The following CDK11B variants were observed in gnomAD, a reference collection of about 807,000 sequenced individuals.
CDK11B encodes cyclin-dependent kinase 11B.
CDK11B carries 37 observed loss-of-function variants against 84.0 expected under a neutral mutation model. The observed-to-expected ratio is 0.44, with a 90% CI of 0.34 to 0.58. The LOEUF (loss-of-function observed/expected upper bound fraction) is 0.58, where lower values mean the gene tolerates loss of function less well. Among genes scored for constraint, CDK11B ranks in the 20% least tolerant of loss-of-function variants. CDK11B has a pLI of 0.02. For synonymous variants in CDK11B, 269 were observed against 309.8 expected (o/e 0.87, Z 1.38); for missense variants, 427 against 834.0 (o/e 0.51, Z 6.01).
intron 5 of CDK11B, 56 bp downstream of exon 5, chr1:1,649,443 T>A: frequency 1.6e-6 from 2 of 1,283,672 alleles, no homozygotes; most frequent in South Asian, 2.4e-5. Flanking sequence ...ATTTCTAGGA[T>A]GGGACACACT....
chr1:1,649,315 A>C (rs2100905868), intron 5 of CDK11B, among the ~76,000 whole-genome samples, 184 bp downstream of exon 5: 1 of 151,794 alleles, frequency 6.6e-6, no homozygotes, highest in African/African-American at 2.4e-5. Flanking sequence ...GTCAGCCAGG[A>C]TGGTCTCCAT....
At chr1:1,652,863 C>T (rs1352136974) in intron 3 of CDK11B, among the ~76,000 whole-genome samples, 2 of 151,844 alleles carry the variant, frequency 1.3e-5, no homozygotes, top group African/African-American at 4.8e-5. Context: ...GTAGCTGGGA[C>T]TACAGGCGCC....
intron 3 of CDK11B, among the ~76,000 whole-genome samples, 193 bp from the exon 4 acceptor site, chr1:1,652,759 C>A (rs1453261032): frequency 6.6e-6 from 1 of 152,108 alleles, no homozygotes; most frequent in African/African-American, 2.4e-5. Flanking sequence ...TTTAGACAGT[C>A]TCGCTCTGTT....
intron 4 of CDK11B, among the ~76,000 whole-genome samples, chr1:1,650,527 G>T (rs1362911606): frequency 2.0e-4 from 30 of 150,902 alleles, no homozygotes; most frequent in African/African-American, 6.8e-4. Context: ...CACCACGCCC[G>T]GCTAATTTTT....
At chr1:1,650,271 A>AG (rs1641795019) in intron 4 of CDK11B, among the ~76,000 whole-genome samples, 1 of 149,290 alleles carries the variant, frequency 6.7e-6, no homozygotes, top group Non-Finnish European at 1.5e-5. Context: ...TCCGTCCCAA[A>AG]AAAAAAAAAA....
intron 5 of CDK11B, chr1:1,645,739 A>G (rs373668676): frequency 9.0e-6 from 3 of 332,456 alleles, no homozygotes; most frequent in Admixed American, 9.2e-5. Flanking sequence ...TGTTTGCTTC[A>G]TGGATTTTGG....
intron 13 of CDK11B, 63 bp from the exon 14 acceptor site, chr1:1,637,576 G>T (rs1639566125): frequency 1.2e-6 from 2 of 1,607,644 alleles, no homozygotes; most frequent in Non-Finnish European, 1.7e-6. Context: ...CTGCACCCGG[G>T]TGCAGCTGCT....
intron 4 of CDK11B, among the ~76,000 whole-genome samples, chr1:1,652,168 T>C (rs1490958043): frequency 2.6e-5 from 4 of 152,036 alleles, no homozygotes; most frequent in Admixed American, 6.6e-5. Flanking sequence ...CGCTTTCAGC[T>C]AGAGTTTGCT....
chr1:1,653,319 A>G (rs12738319), intron 3 of CDK11B, among the ~76,000 whole-genome samples: 104,412 of 151,686 alleles, frequency 0.69, 36,579 homozygotes, highest in Non-Finnish European at 0.77. Flanking sequence ...CACCGCACCC[A>G]GCTTTATTTT....
intron 4 of CDK11B, among the ~76,000 whole-genome samples, chr1:1,650,223 T>C (rs1357122396): frequency 7.7e-6 from 1 of 129,724 alleles, no homozygotes; most frequent in Non-Finnish European, 1.6e-5. Flanking sequence ...TGAGCTGAGA[T>C]TGCGCCACTG....
rs1023711905 is a variant in CDK11B, at chr1:1,641,190, C to T, written c.1010-77G>A. On this transcript the variant is annotated intron_variant, in intron 9 of 19. Transcript: ENST00000341832. ...CACAGGCAGGATGCGGGCTCCGCTT[C>T]AGCTAAGCAACAAGTGTTCCCAAGA... 7.6e-4 allele frequency: 1,173 copies of T among 1,552,960 alleles called. 7 individuals are homozygous for T. Among genetic ancestry groups the T allele is most frequent in the Non-Finnish European group, 9.4e-4 (1,079 of 1,142,764 alleles).
chr1:1,650,873 G>C, intron 4 of CDK11B, among the ~76,000 whole-genome samples: 2 of 151,830 alleles, frequency 1.3e-5, no homozygotes, highest in East Asian at 1.9e-4. Context: ...TATGAAGAAA[G>C]AAGAAAAAAG....
intron 5 of CDK11B, chr1:1,646,449 C>A (rs1283009065): frequency 5.8e-6 from 3 of 519,872 alleles, no homozygotes; most frequent in Non-Finnish European, 1.2e-5. Context: ...ACTGTTGTAA[C>A]ACAGCTTTAT....
chr1:1,646,756 T>G (rs1641187250), intron 5 of CDK11B: 1 of 519,924 alleles, frequency 1.9e-6, no homozygotes, highest in African/African-American at 1.9e-5. Flanking sequence ...GTTCGTTCCC[T>G]TTCACTTGTG....
At chr1:1,646,802 C>T in intron 5 of CDK11B, 1 of 520,036 alleles carries the variant, frequency 1.9e-6, no homozygotes, top group Non-Finnish European at 3.9e-6. Flanking sequence ...TGGTTCTTCT[C>T]TCTGAGCAGC....
intron 5 of CDK11B, among the ~76,000 whole-genome samples, chr1:1,647,942 G>C (rs1198278074): frequency 6.6e-6 from 1 of 152,272 alleles, no homozygotes; most frequent in Non-Finnish European, 1.5e-5. Context: ...AAGCAGTAAA[G>C]GGAGCAGCTC....
chr1:1,653,815 C>G (rs1642330772), intron 3 of CDK11B, among the ~76,000 whole-genome samples: 3 of 128,146 alleles, frequency 2.3e-5, no homozygotes, highest in Non-Finnish European at 5.0e-5. Flanking sequence ...AAATCCGTCT[C>G]TACTAAAAAT....
At chr1:1,638,001 G>A (rs534719608) in intron 12 of CDK11B, 118 bp from the exon 13 acceptor site, 7 of 1,514,386 alleles carry the variant, frequency 4.6e-6, no homozygotes, top group Non-Finnish European at 4.5e-6. Context: ...ACGGAGGGGG[G>A]TCTCGTTCTA....
chr1:1,654,987 A>T (rs1438186328), intron 3 of CDK11B, among the ~76,000 whole-genome samples: 1 of 151,980 alleles, frequency 6.6e-6, no homozygotes, highest in African/African-American at 2.4e-5. Context: ...GGGTTTCACC[A>T]TGTTGGCTAG....
Sources: allele counts gnomAD v4.1 joint callset (sites outside exome capture counted in the v4.1 genomes callset), GRCh38; gene constraint gnomAD v4.1.1; transcripts MANE v1.5; gene names NCBI Gene and HGNC (gene_info 2026-07-23, HGNC 2026-07-21).